BUB1B: variants seen among roughly 807,000 people sequenced by gnomAD.
BUB1B encodes mitotic checkpoint serine/threonine-protein kinase BUB1 beta.
BUB1B carries 86 observed loss-of-function variants against 137.7 expected under a neutral mutation model. That is an observed-to-expected ratio of 0.62 (90% CI 0.52 to 0.75). The LOEUF is 0.75. Ranked by LOEUF, BUB1B falls within the 30% of genes least tolerant of loss-of-function variation. The pLI is 0.00. For synonymous variants in BUB1B, 420 were observed against 417.9 expected, an observed-to-expected ratio of 1.00 and a Z score of -0.06; for missense variants, 1,130 against 1,236.9, an observed-to-expected ratio of 0.91 and a Z score of 1.30.
At chr15:40,190,368 C>T (rs2037420836) in intron 8 of BUB1B, among the ~76,000 whole-genome samples, 1 of 151,906 alleles carries the variant, frequency 6.6e-6, no homozygotes, top group Non-Finnish European at 1.5e-5. Flanking sequence ...CACTTTGGCT[C>T]TGGGAGGCTG....
chr15:40,210,009 G>A, intron 17 of BUB1B, 101 bp from the exon 18 acceptor site: 4 of 1,049,650 alleles, frequency 3.8e-6, no homozygotes, highest in Non-Finnish European at 5.9e-6. Flanking sequence ...CTACTAACTG[G>A]CAAATACACC....
At chr15:40,173,659 AAC>A (rs2037191483) in intron 4 of BUB1B, among the ~76,000 whole-genome samples, 1 of 152,208 alleles carries the variant, frequency 6.6e-6, no homozygotes, top group Non-Finnish European at 1.5e-5. Context: ...TCCATAATGG[AAC>A]ACACACATAC....
chr15:40,169,926 T>C (rs2037142737), intron 2 of BUB1B, 136 bp from the exon 3 acceptor site: 1 of 823,012 alleles, frequency 1.2e-6, no homozygotes, highest in African/African-American at 1.7e-5. Flanking sequence ...TTCTATTCTA[T>C]AACAAACCCA....
chr15:40,174,021 A>G (rs2037195762), intron 4 of BUB1B: 1 of 404,586 alleles, frequency 2.5e-6, no homozygotes, highest in Non-Finnish European at 4.7e-6. Flanking sequence ...GTTACCAAAA[A>G]AAAGGTTTAT....
intron 15 of BUB1B, 131 bp downstream of exon 15, chr15:40,206,589 G>A: frequency 9.1e-7 from 1 of 1,102,246 alleles, no homozygotes; most frequent in Non-Finnish European, 1.3e-6. Flanking sequence ...CTTTACATGA[G>A]AGTAGGGCTG....
intron 18 of BUB1B, 119 bp from the exon 19 acceptor site, chr15:40,212,380 C>G (rs1595534768): frequency 6.5e-6 from 5 of 770,622 alleles, no homozygotes; most frequent in South Asian, 6.3e-5. Flanking sequence ...TAGATTTATG[C>G]CTTTAAAAAT....
chr15:40,164,937 T>C, intron 1 of BUB1B, 116 bp from the exon 2 acceptor site: 1 of 1,259,962 alleles, frequency 7.9e-7, no homozygotes, highest in Non-Finnish European at 1.1e-6. Context: ...TATGTGTCAG[T>C]CCACTATATT....
At chr15:40,216,565 ATATATATTTT>A (rs1251158200) in intron 20 of BUB1B, among the ~76,000 whole-genome samples, 17 of 78,660 alleles carry the variant, frequency 2.2e-4, no homozygotes, top group African/African-American at 1.3e-3. Context: ...ATATATATAT[ATATATATTTT>A]TTTTTTTTTT....
At chr15:40,183,628 A>T in intron 5 of BUB1B, 86 bp from the exon 6 acceptor site, 1 of 1,264,714 alleles carries the variant, frequency 7.9e-7, no homozygotes, top group Non-Finnish European at 1.2e-6. Context: ...CTGCTCTTCT[A>T]ATTTGTTTAC....
Position 40,161,183 on chromosome 15 carries a change from G to C in BUB1B, c.-38G>C. 3.7e-6 allele frequency: 6 copies of C among 1,611,144 alleles called. No homozygotes were observed. Among genetic ancestry groups the C allele is most frequent in the Non-Finnish European group, 5.1e-6 (6 of 1,178,614 alleles). ...AGGCGGTCTGTGGCCCAGAGGAAAG[G>C]CCTGCAGCAGGACGAGGACCTGAGC... On this transcript the variant is annotated 5_prime_UTR_variant, in exon 1 of 23. Transcript: ENST00000287598.
At chr15:40,167,637 A>T (rs540282283) in intron 2 of BUB1B, among the ~76,000 whole-genome samples, 14 of 152,294 alleles carry the variant, frequency 9.2e-5, no homozygotes, top group African/African-American at 3.1e-4. Context: ...CACTGCGTCC[A>T]GCCAAGCATT....
chr15:40,166,339 CT>C (rs746106063), intron 2 of BUB1B: 21,125 of 318,304 alleles, frequency 0.066, no homozygotes, highest in South Asian at 0.11. Flanking sequence ...CTCTCTCTCT[CT>C]TTTTTTTTTT....
intron 8 of BUB1B, among the ~76,000 whole-genome samples, chr15:40,195,391 C>T (rs1221166965): frequency 6.6e-6 from 1 of 152,082 alleles, no homozygotes; most frequent in Non-Finnish European, 1.5e-5. Flanking sequence ...GATTGATGGG[C>T]ATTTGGGCTG....
chr15:40,191,138 TC>T (rs1309180691), intron 8 of BUB1B, among the ~76,000 whole-genome samples: 7 of 152,186 alleles, frequency 4.6e-5, no homozygotes, highest in Non-Finnish European at 1.0e-4. Context: ...TCCACCCGAC[TC>T]AGCATCCCAA....
chr15:40,202,811 G>T (rs2037591456), intron 14 of BUB1B, 117 bp downstream of exon 14: 1 of 886,156 alleles, frequency 1.1e-6, no homozygotes, highest in Admixed American at 1.9e-5. Flanking sequence ...ATGAAAAGAT[G>T]CTCAGCATTA....
At chr15:40,217,411 A>C (rs2037809364) in intron 20 of BUB1B, 85 bp from the exon 21 acceptor site, 29 of 1,410,200 alleles carry the variant, frequency 2.1e-5, no homozygotes, top group Middle Eastern at 2.2e-4. Context: ...GATGTACCCA[A>C]GGTACCTTTT....
At chr15:40,170,415 G>A in intron 3 of BUB1B, 122 bp from the exon 4 acceptor site, 1 of 1,172,456 alleles carries the variant, frequency 8.5e-7, no homozygotes, top group Non-Finnish European at 1.2e-6. Flanking sequence ...CTTAGGGTAT[G>A]TCATTGAGGA....
At chr15:40,208,567 A>G in intron 15 of BUB1B, 70 bp from the exon 16 acceptor site, 1 of 1,449,578 alleles carries the variant, frequency 6.9e-7, no homozygotes, top group Non-Finnish European at 9.5e-7. Flanking sequence ...TACATTAAGA[A>G]TTTATGAAAT....
At chr15:40,177,779 C>A (rs2037239597) in intron 5 of BUB1B, among the ~76,000 whole-genome samples, 2 of 150,320 alleles carry the variant, frequency 1.3e-5, no homozygotes, top group African/African-American at 4.9e-5. Context: ...GTATAATTCT[C>A]CATTTATTTA....
Sources: allele counts gnomAD v4.1 joint callset (sites outside exome capture counted in the v4.1 genomes callset), GRCh38; gene constraint gnomAD v4.1.1; transcripts MANE v1.5; gene names NCBI Gene and HGNC (gene_info 2026-07-23, HGNC 2026-07-21).